Variants in PTPRG observed in about 807,000 individuals in gnomAD.
PTPRG encodes the protein receptor-type tyrosine-protein phosphatase gamma.
Under a neutral mutation model 165.3 loss-of-function variants are expected in PTPRG, and 102 were observed. That is an observed-to-expected ratio of 0.62 (90% CI 0.53 to 0.73). The LOEUF is 0.73. Ranked by LOEUF, PTPRG falls within the 30% of genes least tolerant of loss-of-function variation. The pLI is 0.00. For missense variants in PTPRG, 1,866 were observed against 1,861.4 expected, an observed-to-expected ratio of 1.00 and a Z score of -0.05; for synonymous variants, 675 against 669.5, an observed-to-expected ratio of 1.01 and a Z score of -0.13.
intron 1 of PTPRG, among the ~76,000 whole-genome samples, chr3:61,588,749 G>T (rs1700498216): frequency 6.6e-6 from 1 of 152,082 alleles, no homozygotes; most frequent in Non-Finnish European, 1.5e-5. Context: ...CCCGGCCCTA[G>T]GAGGGATAAA....
At chr3:61,851,505 G>C (rs996522455) in intron 2 of PTPRG, among the ~76,000 whole-genome samples, 1 of 152,080 alleles carries the variant, frequency 6.6e-6, no homozygotes, top group Non-Finnish European at 1.5e-5. Context: ...ATCTCATGGC[G>C]TGCTTTATCT....
chr3:61,605,053 A>C (rs1353978484), intron 1 of PTPRG, among the ~76,000 whole-genome samples: 1 of 152,132 alleles, frequency 6.6e-6, no homozygotes, highest in East Asian at 1.9e-4. Context: ...GGATCATGCC[A>C]CACTCTGTCC....
At chr3:61,890,673 A>C (rs2038188646) in intron 2 of PTPRG, among the ~76,000 whole-genome samples, 2 of 152,030 alleles carry the variant, frequency 1.3e-5, no homozygotes, top group Non-Finnish European at 1.5e-5. Context: ...TTTGAGAAAG[A>C]GTTTTCAGTG....
intron 1 of PTPRG, among the ~76,000 whole-genome samples, chr3:61,685,621 G>A (rs1400010772): frequency 1.3e-5 from 2 of 152,178 alleles, no homozygotes; most frequent in Non-Finnish European, 2.9e-5. Flanking sequence ...CTTGGAACCT[G>A]AAGGTTCTTT....
chr3:62,200,285 T>A (rs949538622), intron 10 of PTPRG, among the ~76,000 whole-genome samples: 1 of 152,246 alleles, frequency 6.6e-6, no homozygotes, highest in East Asian at 1.9e-4. Context: ...TTATTTATTT[T>A]TTTTGAGACA....
chr3:61,823,170 T>G (rs2036006069), intron 2 of PTPRG, among the ~76,000 whole-genome samples: 2 of 152,200 alleles, frequency 1.3e-5, no homozygotes, highest in African/African-American at 4.8e-5. Context: ...AAATTGATGA[T>G]GAGCCAGTTG....
intron 4 of PTPRG, among the ~76,000 whole-genome samples, chr3:62,011,603 G>A (rs934852412): frequency 1.3e-5 from 2 of 151,658 alleles, no homozygotes; most frequent in Non-Finnish European, 2.9e-5. Flanking sequence ...CCATTTCAGA[G>A]CAGAATGTTT....
chr3:61,960,887 C>G (rs1441280322), intron 2 of PTPRG, among the ~76,000 whole-genome samples: 1 of 152,134 alleles, frequency 6.6e-6, no homozygotes, highest in Non-Finnish European at 1.5e-5. Flanking sequence ...TAAAATCTTG[C>G]ATTATAGAGA....
intron 1 of PTPRG, among the ~76,000 whole-genome samples, chr3:61,706,037 C>T (rs1377471258): frequency 6.6e-6 from 1 of 152,152 alleles, no homozygotes; most frequent in African/African-American, 2.4e-5. Flanking sequence ...CCCCAAGTGT[C>T]CTCCCCACTT....
intron 7 of PTPRG, among the ~76,000 whole-genome samples, chr3:62,159,364 A>G (rs573255424): frequency 5.3e-5 from 8 of 152,246 alleles, no homozygotes; most frequent in African/African-American, 1.9e-4. Context: ...TAATGAAGTT[A>G]AGGAATACTG....
chr3:61,798,676 C>T (rs2035136476), intron 2 of PTPRG, among the ~76,000 whole-genome samples: 1 of 134,362 alleles, frequency 7.4e-6, no homozygotes, highest in East Asian at 2.2e-4. Context: ...TCACTTTTAC[C>T]TTTGGAAGGG....
chr3:62,229,568 G>A lies in PTPRG; in HGVS notation c.2289-1657G>A, dbSNP rs1700846234. ...ATTCTGTTAGGGAAGCGGTGGGTGG[G>A]TAAATTTTTAAACCAAGCTTACTTT... On this transcript the variant is annotated intron_variant, in intron 13 of 29. Coordinates refer to ENST00000474889, the MANE Select transcript of PTPRG (RefSeq NM_002841.4). The surrounding 1 kb of genome is among the most constrained non-coding windows in gnomAD (Gnocchi z 4.6). 6.6e-6 allele frequency among the ~76,000 whole-genome samples: 1 copy of A among 152,192 alleles called. No individual in the cohort carries two copies. Among genetic ancestry groups the A allele is most frequent in the South Asian group, 2.1e-4 (1 of 4,826 alleles).
chr3:61,949,043 GAAA>G (rs57167995), intron 2 of PTPRG, among the ~76,000 whole-genome samples: 2 of 128,640 alleles, frequency 1.6e-5, no homozygotes, highest in African/African-American at 5.7e-5. Context: ...GACAAGCCAA[GAAA>G]AAAAAAAAAA....
chr3:61,912,563 T>A (rs2107543226), intron 2 of PTPRG, among the ~76,000 whole-genome samples: 1 of 152,364 alleles, frequency 6.6e-6, no homozygotes, highest in South Asian at 2.1e-4. Flanking sequence ...CATGATTGAT[T>A]TTTGTGCTCA....
chr3:61,620,615 A>G (rs1701422729), intron 1 of PTPRG, among the ~76,000 whole-genome samples: 1 of 152,092 alleles, frequency 6.6e-6, no homozygotes, highest in South Asian at 2.1e-4. Flanking sequence ...AGATGCTTAA[A>G]GTTAACAGTT....
At chr3:61,677,114 G>A (rs1559552841) in intron 1 of PTPRG, among the ~76,000 whole-genome samples, 1 of 151,842 alleles carries the variant, frequency 6.6e-6, no homozygotes, top group Non-Finnish European at 1.5e-5. Context: ...GCATGGTGGC[G>A]GGCGCCTGTA....
chr3:61,852,636 T>A (rs545713993), intron 2 of PTPRG, among the ~76,000 whole-genome samples: 1 of 152,290 alleles, frequency 6.6e-6, no homozygotes, highest in South Asian at 2.1e-4. Flanking sequence ...GAGTCTTTGG[T>A]TTAGAGGCAG....
chr3:61,620,309 T>A (rs1160091642), intron 1 of PTPRG, among the ~76,000 whole-genome samples: 2 of 152,156 alleles, frequency 1.3e-5, no homozygotes, highest in African/African-American at 4.8e-5. Context: ...TTGGCAGTAA[T>A]CTTTCAAAAA....
intron 1 of PTPRG, among the ~76,000 whole-genome samples, chr3:61,697,889 A>G (rs1355804129): frequency 6.6e-6 from 1 of 152,194 alleles, no homozygotes; most frequent in Admixed American, 6.5e-5. Context: ...ACACATAAAC[A>G]TTCAGAGGGA....
Sources: allele counts gnomAD v4.1 joint callset (sites outside exome capture counted in the v4.1 genomes callset), GRCh38; gene constraint gnomAD v4.1.1; non-coding constraint Gnocchi (gnomAD v3.1); transcripts MANE v1.5; gene names NCBI Gene and HGNC (gene_info 2026-07-23, HGNC 2026-07-21).